Variants in CASP10 observed in about 807,000 individuals in gnomAD.
CASP10 encodes the protein caspase 10.
A neutral mutation model predicts 48.5 loss-of-function variants in CASP10; 41 were observed. The observed-to-expected ratio is 0.85, with a 90% CI of 0.66 to 1.10. The LOEUF (loss-of-function observed/expected upper bound fraction) is 1.10. CASP10 is among the 50% of genes least tolerant of loss of function. CASP10 has a pLI of 0.00. For missense variants in CASP10, 614 were observed against 614.5 expected (o/e 1.00, Z 0.01); for synonymous variants, 232 against 238.4 (o/e 0.97, Z 0.25).
rs1295301933 is a variant in CASP10 at position 201,194,834 on chromosome 2, A to G, written c.578-1008A>G. ...CGCTCTGTTGCCCAGGCTGCAGTGCAGTAGTGTGATCTTGGCTCACTGCAA... is the reference window on the plus strand; with the variant it reads ...CGCTCTGTTGCCCAGGCTGCAGTGCGGTAGTGTGATCTTGGCTCACTGCAA... On this transcript the variant is annotated intron_variant, in intron 4 of 9. Transcript: ENST00000286186. Among the ~76,000 whole-genome samples the G allele has an allele frequency of 2.0e-5, 3 of 152,246 alleles. No homozygotes were observed. The South Asian group carries it at 6.2e-4, about 32-fold the overall frequency.
chr2:201,187,722 C>A lies in CASP10; in HGVS notation c.364C>A (p.Leu122Met), dbSNP rs752483713. Residue 122 changes from leucine to methionine, a missense_variant, in exon 3 of 10, where the codon CTG (leucine) becomes ATG (methionine). Leu to Met is a conservative substitution (Grantham distance 15). Coordinates refer to ENST00000286186, the MANE Select transcript of CASP10 (RefSeq NM_032977.4). ...VSLFRNLLYE[L>M]SEGIDSENLK... ...GTGTCTTAGAAACCTGCTCTACGAACTGTCAGAAGGCATTGACTCAGAGAA... is the reference window on the plus strand; with the variant it reads ...GTGTCTTAGAAACCTGCTCTACGAAATGTCAGAAGGCATTGACTCAGAGAA... 6.2e-7 allele frequency: 1 copy of A among 1,613,898 alleles called. No homozygotes were observed. The highest frequency in any genetic ancestry group is 8.5e-7 in the Non-Finnish European group (1 of 1,179,822).
chr2:201,184,547 C>T (rs2126002578), intron 1 of CASP10, among the ~76,000 whole-genome samples: 1 of 152,210 alleles, frequency 6.6e-6, no homozygotes, highest in East Asian at 1.9e-4. Flanking sequence ...TGGTCTTGAA[C>T]TCCTGGCCTC....
downstream of CASP10, among the ~76,000 whole-genome samples, chr2:201,224,023 G>C (rs911698793): frequency 1.7e-4 from 25 of 150,862 alleles, no homozygotes; most frequent in Admixed American, 5.3e-4. Context: ...CCAGGCTGGA[G>C]TGCAGTGGCT....
Position 201,221,085 on chromosome 2 carries a change from G to C in CASP10, c.*3344G>C, listed in dbSNP as rs879512859. ...GCATATAAATGCCTTTAGGTGGTAG[G>C]GTCTTCCGGTTGTAACTGCAACAGA... On this transcript the variant is annotated 3_prime_UTR_variant, in exon 10 of 10. Coordinates refer to ENST00000286186, the MANE Select transcript of CASP10 (RefSeq NM_032977.4). 3.0e-6 allele frequency: 3 copies of C among 985,220 alleles called. No individual in the cohort carries two copies. Among genetic ancestry groups the C allele is most frequent in the Non-Finnish European group, 3.6e-6 (3 of 829,932 alleles). The allele number at this position is 985,220 out of a possible 1,614,324, so 61.0% of individuals were successfully genotyped here. A position where few individuals can be genotyped will look rare whatever the true frequency, so the allele number is the denominator to read the frequency against.
intron 5 of CASP10, among the ~76,000 whole-genome samples, chr2:201,202,911 G>A (rs947253759): frequency 1.3e-5 from 2 of 152,058 alleles, no homozygotes; most frequent in Non-Finnish European, 2.9e-5. Flanking sequence ...GTGCATCCTT[G>A]CCTCTCCTCC....
chr2:201,205,866 G>A lies in CASP10; in HGVS notation c.722-16G>A, dbSNP rs41500646. ...CTTGGGGAAGATATTTGGAGTCTGA[G>A]TACCTCTCTTTCTAGGTAACAGAGC... On this transcript the variant is annotated splice_polypyrimidine_tract_variant and intron_variant, in intron 6 of 9. Transcript: ENST00000286186. 4.0e-6 allele frequency: 6 copies of A among 1,485,756 alleles called. No homozygotes were observed. The highest frequency in any genetic ancestry group is 5.6e-6 in the Non-Finnish European group (6 of 1,063,248). 92.0% of individuals were successfully genotyped at this position (1,485,756 alleles called of 1,614,324 possible).
chr2:201,206,126 T>C, intron 7 of CASP10, 153 bp downstream of exon 7: 1 of 585,832 alleles, frequency 1.7e-6, no homozygotes, highest in Non-Finnish European at 3.0e-6. Context: ...TGTTTCTCCC[T>C]CTCTCTGTAA....
exon 10 of CASP10, chr2:201,229,249 C>G: frequency 1.4e-6 from 1 of 728,542 alleles, no homozygotes; most frequent in African/African-American, 1.8e-5. Context: ...TACTGTTTCA[C>G]GTGTACCTGT....
In CASP10 at chr2:201,214,500, A is replaced by G. The variant is rs1424385551; in HGVS notation, c.1416-3088A>G. 6.6e-5 allele frequency: 10 copies of G among 152,224 alleles called. No individual in the cohort carries two copies. The East Asian group carries it at 1.9e-3, about 29-fold the overall frequency. 9.4% of individuals were successfully genotyped at this position (152,224 alleles called of 1,614,324 possible). The stretch of plus-strand genomic sequence containing the variant: ...TGTTAGCGGATCAGAGGAGAAAGTT[A>G]ATGAGAAGTTGAATAGATTGTCGTT... On this transcript the variant is annotated intron_variant, in intron 9 of 9. Coordinates refer to ENST00000286186, the MANE Select transcript of CASP10 (RefSeq NM_032977.4).
Position 201,213,167 on chromosome 2 carries a change from C to CG in CASP10, c.1415+3605_1415+3606insG, listed in dbSNP as rs1945455863. On this transcript the variant is annotated intron_variant, in intron 9 of 9. Transcript: ENST00000286186. ...TCTCATCCTCTAAAAGTTGAGAAAA[C>CG]TATGTTGTTAGGCATGGAGGCATGA... 3.9e-5 allele frequency: 6 copies of CG among 152,262 alleles called. No homozygotes were observed. In the South Asian group the frequency reaches 1.2e-3, roughly 32 times the overall value. The allele number at this position is 152,262 out of a possible 1,614,324, so 9.4% of individuals were successfully genotyped here.
chr2:201,200,870 T>A, intron 5 of CASP10: 1 of 473,458 alleles, frequency 2.1e-6, no homozygotes, highest in Non-Finnish European at 2.8e-6. Context: ...ATTCCAATCC[T>A]AGAAAAGCGC....
At chr2:201,190,993 C>T (rs947307003) in intron 3 of CASP10, among the ~76,000 whole-genome samples, 3 of 151,726 alleles carry the variant, frequency 2.0e-5, no homozygotes, top group Admixed American at 6.6e-5. Context: ...TCCTGAGTAG[C>T]TGGGATTACA....
intron 6 of CASP10, among the ~76,000 whole-genome samples, chr2:201,204,420 C>G (rs530927765): frequency 6.6e-6 from 1 of 152,066 alleles, no homozygotes; most frequent in Non-Finnish European, 1.5e-5. Flanking sequence ...TGTCTTTTTG[C>G]CTAACACGGA....
At chr2:201,196,296 A>G (rs762279833) in intron 5 of CASP10, among the ~76,000 whole-genome samples, 3 of 152,210 alleles carry the variant, frequency 2.0e-5, no homozygotes, top group South Asian at 2.1e-4. Context: ...CATATAATCT[A>G]TGGAGCACAG....
chr2:201,191,033 T>C (rs1475224138), intron 3 of CASP10, among the ~76,000 whole-genome samples: 1 of 151,882 alleles, frequency 6.6e-6, no homozygotes, highest in Non-Finnish European at 1.5e-5. Flanking sequence ...AGCTAATTTT[T>C]GTATTTTTAG....
chr2:201,185,756 CTCTG>C lies in CASP10; in HGVS notation c.-7-12_-7-9del. 1 of 1,567,852 alleles carries C rather than the reference CTCTG, an allele frequency of 6.4e-7. No homozygotes were observed. ...CACTCTCTAACTCCCTGCCCCACCT[CTCTG>C]TCCCTTTCAGGCTGGCCATGAAATC... On this transcript the variant is annotated splice_polypyrimidine_tract_variant and intron_variant, in intron 1 of 9. Coordinates refer to ENST00000286186, the MANE Select transcript of CASP10 (RefSeq NM_032977.4).
intron 5 of CASP10, chr2:201,200,588 T>A: frequency 1.3e-6 from 2 of 1,565,720 alleles, no homozygotes; most frequent in Non-Finnish European, 1.7e-6. Context: ...GGGAGAGGCC[T>A]GCTCTTCGGC....
At chr2:201,208,279 A>T in intron 8 of CASP10, 96 bp downstream of exon 8, 2 of 1,488,642 alleles carry the variant, frequency 1.3e-6, no homozygotes, top group Non-Finnish European at 1.8e-6. Flanking sequence ...TATCTTCCAT[A>T]TACGTGTAAG....
intron 5 of CASP10, among the ~76,000 whole-genome samples, chr2:201,203,082 G>A (rs568286764): frequency 6.6e-6 from 1 of 152,180 alleles, no homozygotes; most frequent in East Asian, 1.9e-4. Flanking sequence ...AGGGTATAGA[G>A]GCTGTCCTTG....
Sources: allele counts gnomAD v4.1 joint callset (sites outside exome capture counted in the v4.1 genomes callset), GRCh38; gene constraint gnomAD v4.1.1; transcripts MANE v1.5; gene names NCBI Gene and HGNC (gene_info 2026-07-23, HGNC 2026-07-21).